CDH9: variants seen among roughly 807,000 people sequenced by gnomAD.
CDH9 encodes cadherin-9.
CDH9 carries 28 observed loss-of-function variants against 70.9 expected under a neutral mutation model. That is an observed-to-expected ratio of 0.40 (90% CI 0.29 to 0.54). CDH9 has a LOEUF of 0.54. Ranked by LOEUF, CDH9 falls within the 20% of genes least tolerant of loss-of-function variation. The probability of loss-of-function intolerance (pLI) is 0.59; values close to 1 mark genes in which losing one functional copy is unlikely to be tolerated. For synonymous variants in CDH9, 409 were observed against 343.1 expected, an observed-to-expected ratio of 1.19 and a Z score of -2.12; for missense variants, 874 against 984.4, an observed-to-expected ratio of 0.89 and a Z score of 1.50.
At chr5:27,029,075 A>C (rs1225738782) in intron 1 of CDH9, among the ~76,000 whole-genome samples, 1 of 152,062 alleles carries the variant, frequency 6.6e-6, no homozygotes, top group African/African-American at 2.4e-5. Context: ...TATCTCACTC[A>C]ATTTGACAAC....
intron 2 of CDH9, among the ~76,000 whole-genome samples, chr5:26,916,862 C>T (rs1447893669): frequency 6.6e-6 from 1 of 151,876 alleles, no homozygotes; most frequent in Non-Finnish European, 1.5e-5. Flanking sequence ...ATTTTTTATA[C>T]CTTTTAGATT....
intron 2 of CDH9, among the ~76,000 whole-genome samples, chr5:26,922,026 C>CAAAA (rs3071199): frequency 8.0e-6 from 1 of 125,382 alleles, no homozygotes. Flanking sequence ...CAAAATAGTC[C>CAAAA]AAAAAAAAAA....
chr5:26,884,101 C>T (rs1740520621), intron 11 of CDH9, among the ~76,000 whole-genome samples: 1 of 151,974 alleles, frequency 6.6e-6, no homozygotes, highest in African/African-American at 2.4e-5. Flanking sequence ...CACATTTAGG[C>T]AATGAGCTGG....
At chr5:26,938,286 A>T (rs1206874949) in intron 2 of CDH9, among the ~76,000 whole-genome samples, 1 of 151,680 alleles carries the variant, frequency 6.6e-6, no homozygotes, top group Non-Finnish European at 1.5e-5. Flanking sequence ...ATTATCTATT[A>T]TATATATTTA....
At chr5:26,997,204 C>T (rs965984591) in intron 1 of CDH9, among the ~76,000 whole-genome samples, 1 of 151,926 alleles carries the variant, frequency 6.6e-6, no homozygotes, top group Non-Finnish European at 1.5e-5. Flanking sequence ...GATGGTGGAG[C>T]TAGTTTAATA....
rs148876216 is a variant in CDH9 at position 27,006,966 on chromosome 5, A to G, written c.-49-18584T>C. Among the ~76,000 whole-genome samples the G allele has an allele frequency of 1.8e-3, 271 of 152,258 alleles. 1 individual carries two copies. Among genetic ancestry groups the G allele is most frequent in the African/African-American group, 6.4e-3 (266 of 41,562 alleles). On this transcript the variant is annotated intron_variant, in intron 1 of 11. Transcript: ENST00000231021. ...TTTGTGACACATCCCTGGATAGAAT[A>G]CTGCCCCTAGAAGTCATTTATTGAA...
Position 26,886,082 on chromosome 5 carries a change from A to G in CDH9, c.1514T>C (p.Leu505Ser). The change falls in exon 10 of 12, where the codon TTG (leucine) becomes TCG (serine). Residue 505 changes from leucine (L) to serine (S), a missense_variant and splice_region_variant. Leu to Ser is a moderately radical substitution (Grantham distance 145, BLOSUM62 -2). Coordinates refer to ENST00000231021, the MANE Select transcript of CDH9 (RefSeq NM_016279.4). ...ATCCATGACACTGACAGTCTGAATC[A>G]ACTGAAACCAAAATTAATTAATTAA... ...FVCENAKPGQ[L>S]IQTVSVMDKD... The G allele has an allele frequency of 6.3e-7, 1 of 1,585,020 alleles. No homozygotes were observed. Among genetic ancestry groups the G allele is most frequent in the Non-Finnish European group, 8.5e-7 (1 of 1,172,232 alleles).
intron 3 of CDH9, 93 bp from the exon 4 acceptor site, chr5:26,906,931 T>C (rs1740959210): frequency 7.2e-7 from 1 of 1,390,884 alleles, no homozygotes; most frequent in Non-Finnish European, 9.4e-7. Context: ...CAGTGTTTTG[T>C]ATTAGACGAT....
intron 2 of CDH9, among the ~76,000 whole-genome samples, chr5:26,975,954 G>C (rs930545121): frequency 6.6e-6 from 1 of 152,186 alleles, no homozygotes; most frequent in African/African-American, 2.4e-5. Context: ...CGATCTTAGA[G>C]AGGAGTCACA....
At chr5:27,023,208 C>A (rs1230207494) in intron 1 of CDH9, among the ~76,000 whole-genome samples, 1 of 152,016 alleles carries the variant, frequency 6.6e-6, no homozygotes, top group Non-Finnish European at 1.5e-5. Context: ...GAGTGTAATT[C>A]CACCACATAC....
intron 2 of CDH9, among the ~76,000 whole-genome samples, chr5:26,962,995 A>T (rs1463871676): frequency 1.3e-5 from 2 of 152,194 alleles, no homozygotes; most frequent in Non-Finnish European, 2.9e-5. Flanking sequence ...TATTCTCTTG[A>T]ACACATTTAC....
At chr5:26,965,444 C>T (rs1315490039) in intron 2 of CDH9, among the ~76,000 whole-genome samples, 3 of 151,560 alleles carry the variant, frequency 2.0e-5, no homozygotes, top group Non-Finnish European at 4.4e-5. Flanking sequence ...GGCGTGGTGG[C>T]GGGTGCCTGT....
At chr5:26,926,299 C>G (rs1741337740) in intron 2 of CDH9, among the ~76,000 whole-genome samples, 2 of 170 alleles carry the variant, frequency 0.012, no homozygotes, top group Non-Finnish European at 0.031. Context: ...ACACCAATAA[C>G]AGACAACAGA....
At chr5:26,984,647 T>C (rs1309292316) in intron 2 of CDH9, among the ~76,000 whole-genome samples, 1 of 152,124 alleles carries the variant, frequency 6.6e-6, no homozygotes, top group East Asian at 1.9e-4. Context: ...GCTATGCTTC[T>C]TGTTATTTTA....
chr5:26,979,792 G>T (rs1315666746), intron 2 of CDH9, among the ~76,000 whole-genome samples: 1 of 151,576 alleles, frequency 6.6e-6, no homozygotes, highest in Non-Finnish European at 1.5e-5. Flanking sequence ...TATTATCACA[G>T]GTAAAGGTTG....
At chr5:26,989,536 TTC>T (rs1156934597) in intron 1 of CDH9, among the ~76,000 whole-genome samples, 1 of 116,918 alleles carries the variant, frequency 8.6e-6, no homozygotes, top group African/African-American at 3.4e-5. Context: ...CTCTCTCTCT[TTC>T]TCTCTCTTTC....
intron 1 of CDH9, among the ~76,000 whole-genome samples, chr5:27,010,173 GT>G (rs971305899): frequency 3.9e-5 from 6 of 152,000 alleles, no homozygotes; most frequent in Non-Finnish European, 8.8e-5. Context: ...CTAGAATTTT[GT>G]TTTTCATTTG....
At chr5:27,035,624 C>CA (rs1229159185) in intron 1 of CDH9, among the ~76,000 whole-genome samples, 21 of 150,716 alleles carry the variant, frequency 1.4e-4, no homozygotes, top group Non-Finnish European at 1.8e-4. Flanking sequence ...GTTTTTATTA[C>CA]AAAAAATCTC....
chr5:27,001,350 G>A (rs62344099), intron 1 of CDH9, among the ~76,000 whole-genome samples: 53,669 of 151,888 alleles, frequency 0.35, 12,180 homozygotes, highest in Non-Finnish European at 0.5. Flanking sequence ...GTTGTTTTCC[G>A]CAAGGGTATG....
Sources: gnomAD v4.1 joint callset for allele counts (sites outside exome capture counted in the v4.1 genomes callset) on GRCh38, gnomAD v4.1.1 for gene constraint, MANE v1.5 for transcripts, NCBI Gene and HGNC (gene_info 2026-07-23, HGNC 2026-07-21) for gene names.